Variants in ADAMTS2 observed in about 807,000 individuals in gnomAD.
ADAMTS2 encodes ADAM metallopeptidase with thrombospondin type 1 motif 2.
ADAMTS2 carries 50 observed loss-of-function variants against 123.0 expected under a neutral mutation model. The ratio of observed to expected loss-of-function variants is 0.41; its 90% confidence interval spans 0.32 to 0.51. ADAMTS2 has a LOEUF of 0.51. ADAMTS2 is among the 20% of genes least tolerant of loss of function. The pLI, the probability that ADAMTS2 is intolerant of heterozygous loss-of-function variation, is 0.35. For synonymous variants in ADAMTS2, 678 were observed against 695.4 expected (o/e 0.98, Z 0.39); for missense variants, 1,494 against 1,705.2 (o/e 0.88, Z 2.18).
Position 179,126,092 on chromosome 5 carries a change from C to T in ADAMTS2, c.2656G>A (p.Asp886Asn). ...FTKYGCRRRL[D>N]HKMVHRGFCA... ...AAGCCACGGTGTACCATCTTGTGGT[C>T]CAGCCTCCGGCGGCAGCCATACTTG... Residue 886 changes from aspartate (D) to asparagine (N), a missense_variant, in exon 18 of 22, where the codon GAC (aspartate) becomes AAC (asparagine). By Grantham distance (23) the Asp-to-Asn change is conservative. This residue lies in a region of ADAMTS2 where 953 missense variants were observed against 1,124.7 expected (regional missense o/e 0.85). Transcript: ENST00000251582. 2 of 1,613,124 alleles carry T rather than the reference C, an allele frequency of 1.2e-6. No homozygotes were observed. Among genetic ancestry groups the T allele is most frequent in the Non-Finnish European group, 1.7e-6 (2 of 1,180,012 alleles).
intron 12 of ADAMTS2, among the ~76,000 whole-genome samples, chr5:179,137,072 C>T (rs759789170): frequency 2.6e-5 from 4 of 152,214 alleles, no homozygotes; most frequent in Non-Finnish European, 5.9e-5. Context: ...CTTCCCTTCT[C>T]AGCCTTTATC....
chr5:179,116,393 C>G (rs1227078655), intron 21 of ADAMTS2, among the ~76,000 whole-genome samples: 1 of 152,080 alleles, frequency 6.6e-6, no homozygotes, highest in Admixed American at 6.6e-5. Context: ...TGCAATGCCT[C>G]TCTCCTGCCT....
intron 4 of ADAMTS2, among the ~76,000 whole-genome samples, chr5:179,195,411 T>C (rs1419912311): frequency 6.6e-6 from 1 of 152,242 alleles, no homozygotes; most frequent in Non-Finnish European, 1.5e-5. Context: ...AGACTTGTCC[T>C]GCAGCCGTGT....
At chr5:179,266,838 T>C (rs1417837144) in intron 3 of ADAMTS2, among the ~76,000 whole-genome samples, 1 of 152,200 alleles carries the variant, frequency 6.6e-6, no homozygotes, top group Admixed American at 6.5e-5. Context: ...TGCTCGCCAC[T>C]GAATGGATGA....
Position 179,225,099 on chromosome 5 carries a change from G to A in ADAMTS2, c.689-17384C>T, listed in dbSNP as rs114812739. 1.5e-3 allele frequency among the ~76,000 whole-genome samples: 231 copies of A among 152,250 alleles called. 1 individual carries two copies. The highest frequency in any genetic ancestry group is 5.0e-3 in the Admixed American group (76 of 15,294). Reference sequence around the variant, plus strand: ...TGTTTTATGGTGGAATCCTCACGCAGGGGCCTGAGGAACACTCCCTGGTTA... The same window carrying A: ...TGTTTTATGGTGGAATCCTCACGCAAGGGCCTGAGGAACACTCCCTGGTTA... On this transcript the variant is annotated intron_variant, in intron 3 of 21. Coordinates refer to ENST00000251582, the MANE Select transcript of ADAMTS2 (RefSeq NM_014244.5). This position sits in a 1 kb window ranked among gnomAD's most constrained non-coding sequence, Gnocchi z 4.5.
At position 179,285,759 on chromosome 5, in the gene ADAMTS2, G is replaced by A. The variant is rs534661576; in HGVS notation, c.535-12695C>T. 8.5e-5 allele frequency among the ~76,000 whole-genome samples: 13 copies of A among 152,296 alleles called. No individual in the cohort carries two copies. Among genetic ancestry groups the A allele is most frequent in the African/African-American group, 3.1e-4 (13 of 41,576 alleles). ...TAACAGGGCGCTCTCTACTAAAGAA[G>A]AAAAATGACTCGTGCTGCAGGAACA... is the stretch of plus-strand genomic sequence containing the variant. On this transcript the variant is annotated intron_variant, in intron 2 of 21. Transcript: ENST00000251582. The surrounding 1 kb of genome is among the most constrained non-coding windows in gnomAD (Gnocchi z 4.9).
intron 4 of ADAMTS2, among the ~76,000 whole-genome samples, chr5:179,199,352 G>T (rs1319156063): frequency 6.6e-6 from 1 of 152,198 alleles, no homozygotes; most frequent in Non-Finnish European, 1.5e-5. Context: ...GGCAGGCGTG[G>T]TGGTGGCCAT....
At chr5:179,280,338 T>G (rs1766856120) in intron 2 of ADAMTS2, among the ~76,000 whole-genome samples, 1 of 152,160 alleles carries the variant, frequency 6.6e-6, no homozygotes, top group South Asian at 2.1e-4. Flanking sequence ...CACTGGACGC[T>G]GAGCCAGGGG....
At chr5:179,298,309 T>C (rs1309313534) in intron 2 of ADAMTS2, among the ~76,000 whole-genome samples, 1 of 151,920 alleles carries the variant, frequency 6.6e-6, no homozygotes, top group Non-Finnish European at 1.5e-5. Context: ...AAGGTGATGG[T>C]GTGAAGCGGG....
At chr5:179,150,129 C>CCTGCTCCTGG (rs1277011776) in intron 10 of ADAMTS2, among the ~76,000 whole-genome samples, 27,053 of 149,226 alleles carry the variant, frequency 0.18, 3,003 homozygotes, top group Non-Finnish European at 0.25. Context: ...CCAGCTCCTG[C>CCTGCTCCTGG]TCCTGCTCCT....
At chr5:179,121,587 G>A in intron 21 of ADAMTS2, 74 bp downstream of exon 21, 5 of 1,250,734 alleles carry the variant, frequency 4.0e-6, no homozygotes, top group Middle Eastern at 1.9e-4. Flanking sequence ...AGAGGAGGGG[G>A]GCCCAAGGCA....
chr5:179,252,568 A>G (rs1321962439), intron 3 of ADAMTS2, among the ~76,000 whole-genome samples: 1 of 152,090 alleles, frequency 6.6e-6, no homozygotes, highest in African/African-American at 2.4e-5. Context: ...ATTTCCAAAT[A>G]ATGGGGATTT....
chr5:179,207,494 C>G lies in ADAMTS2; in HGVS notation c.891+19G>C. On this transcript the variant is annotated intron_variant, in intron 4 of 21. Coordinates refer to ENST00000251582, the MANE Select transcript of ADAMTS2 (RefSeq NM_014244.5). Reference sequence around the variant, plus strand: ...TGACCCTCCCCGCCCCACCCTGCCCCCTCAGCCACCCCACTCACAATGTTC... The same window carrying G: ...TGACCCTCCCCGCCCCACCCTGCCCGCTCAGCCACCCCACTCACAATGTTC... The G allele has an allele frequency of 6.4e-7, 1 of 1,555,514 alleles. No individual in the cohort carries two copies. Among genetic ancestry groups the G allele is most frequent in the South Asian group, 1.1e-5 (1 of 89,966 alleles).
chr5:179,206,590 T>C (rs1361083044), intron 4 of ADAMTS2, among the ~76,000 whole-genome samples: 2 of 152,262 alleles, frequency 1.3e-5, no homozygotes, highest in East Asian at 3.9e-4. Flanking sequence ...ACTGGCAGCA[T>C]CTCACATTCC....
chr5:179,341,000 C>T (rs189768874), intron 2 of ADAMTS2, among the ~76,000 whole-genome samples: 4 of 152,246 alleles, frequency 2.6e-5, no homozygotes, highest in Non-Finnish European at 5.9e-5. Context: ...TATGAATAAC[C>T]CCTCGCTGTG....
rs1254337215 is a variant in ADAMTS2 at position 179,118,877 on chromosome 5, G to C, written c.3178+2784C>G. On this transcript the variant is annotated intron_variant, in intron 21 of 21. Transcript: ENST00000251582. The surrounding 1 kb of genome is among the most constrained non-coding windows in gnomAD (Gnocchi z 4.5). ...AAGGGAACTAGGAAGGGACCGCTCA[G>C]TGCAGTGCAGCCCCAGCTATGTTTA... Among the ~76,000 whole-genome samples, 1 of 152,194 alleles carries C rather than the reference G, an allele frequency of 6.6e-6. No individual in the cohort carries two copies. The highest frequency in any genetic ancestry group is 1.5e-5 in the Non-Finnish European group (1 of 68,032).
chr5:179,233,348 T>C (rs929777974), intron 3 of ADAMTS2, among the ~76,000 whole-genome samples: 2 of 151,310 alleles, frequency 1.3e-5, no homozygotes, highest in South Asian at 2.1e-4. Flanking sequence ...TATTATCTGC[T>C]TTGTTAAATG....
At chr5:179,326,342 G>A (rs559843849) in intron 2 of ADAMTS2, among the ~76,000 whole-genome samples, 10 of 151,736 alleles carry the variant, frequency 6.6e-5, no homozygotes, top group Non-Finnish European at 1.5e-4. Context: ...AGCGGCTCCT[G>A]GCCTCTTCCA....
At chr5:179,198,751 T>G (rs1764489429) in intron 4 of ADAMTS2, among the ~76,000 whole-genome samples, 1 of 151,982 alleles carries the variant, frequency 6.6e-6, no homozygotes, top group Non-Finnish European at 1.5e-5. Context: ...GGAGAATTGC[T>G]TGAACCTGAG....
Sources: allele counts gnomAD v4.1 joint callset (sites outside exome capture counted in the v4.1 genomes callset), GRCh38; gene constraint gnomAD v4.1.1; regional missense constraint gnomAD v4.1.1; non-coding constraint Gnocchi (gnomAD v3.1); transcripts MANE v1.5; gene names NCBI Gene and HGNC (gene_info 2026-07-23, HGNC 2026-07-21).